SEMA4D: variants seen among roughly 807,000 people sequenced by gnomAD.
The protein encoded by SEMA4D is semaphorin-4D.
A neutral mutation model predicts 74.8 loss-of-function variants in SEMA4D; 22 were observed. That is an observed-to-expected ratio of 0.29 (90% CI 0.21 to 0.42). The LOEUF (loss-of-function observed/expected upper bound fraction) is 0.42. Ranked by LOEUF, SEMA4D falls within the 10% of genes least tolerant of loss-of-function variation. The pLI, the probability that SEMA4D is intolerant of heterozygous loss-of-function variation, is 1.00. For synonymous variants in SEMA4D, 445 were observed against 463.7 expected, an observed-to-expected ratio of 0.96 and a Z score of 0.52; for missense variants, 937 against 1,118.4, an observed-to-expected ratio of 0.84 and a Z score of 2.31.
intron 2 of SEMA4D, among the ~76,000 whole-genome samples, chr9:89,408,403 A>C (rs922397046): frequency 3.9e-5 from 6 of 152,156 alleles, no homozygotes; most frequent in African/African-American, 7.2e-5. Context: ...TGACAGACAT[A>C]AGAAAGGATG....
intron 9 of SEMA4D, among the ~76,000 whole-genome samples, chr9:89,391,003 A>G (rs970567484): frequency 6.6e-6 from 1 of 152,250 alleles, no homozygotes; most frequent in Non-Finnish European, 1.5e-5. Flanking sequence ...CTTGCTTTTT[A>G]TAAGCTAGAG....
intron 1 of SEMA4D, among the ~76,000 whole-genome samples, chr9:89,482,512 C>T (rs1322472926): frequency 6.6e-6 from 1 of 152,196 alleles, no homozygotes; most frequent in East Asian, 1.9e-4. Flanking sequence ...CAAATGTCTC[C>T]TGTGCAGCAG....
At chr9:89,395,038 G>A (rs947105888) in intron 6 of SEMA4D, among the ~76,000 whole-genome samples, 32 of 152,212 alleles carry the variant, frequency 2.1e-4, no homozygotes, top group African/African-American at 5.8e-4. Flanking sequence ...ACACAGACAC[G>A]TGCACACACA....
chr9:89,442,811 C>G (rs117777666), intron 2 of SEMA4D, among the ~76,000 whole-genome samples: 2,091 of 152,336 alleles, frequency 0.014, 15 homozygotes, highest in Middle Eastern at 0.02. Flanking sequence ...CTCACCATTT[C>G]CCAGCGAGGA....
intron 2 of SEMA4D, among the ~76,000 whole-genome samples, chr9:89,446,701 G>A (rs1362382837): frequency 2.6e-5 from 4 of 152,132 alleles, no homozygotes; most frequent in African/African-American, 4.8e-5. Context: ...GACCCTGGTG[G>A]CCACACCTTC....
intron 1 of SEMA4D, among the ~76,000 whole-genome samples, chr9:89,464,125 C>A (rs1858053669): frequency 1.3e-5 from 2 of 152,122 alleles, no homozygotes; most frequent in Non-Finnish European, 2.9e-5. Context: ...TTCCCCCACC[C>A]CCAAGAAAAC....
chr9:89,449,977 C>G (rs974943891), intron 2 of SEMA4D: 7 of 1,540,678 alleles, frequency 4.5e-6, no homozygotes, highest in Non-Finnish European at 6.3e-6. Flanking sequence ...GGGAGGAAAG[C>G]AGATGTTATT....
intron 1 of SEMA4D, among the ~76,000 whole-genome samples, chr9:89,474,756 A>G (rs1290012076): frequency 6.6e-6 from 1 of 152,250 alleles, no homozygotes; most frequent in East Asian, 1.9e-4. Flanking sequence ...GAAAAAAGCC[A>G]GACGGATTCT....
At chr9:89,424,829 C>G (rs1847775327) in intron 2 of SEMA4D, among the ~76,000 whole-genome samples, 1 of 152,036 alleles carries the variant, frequency 6.6e-6, no homozygotes, top group Non-Finnish European at 1.5e-5. Flanking sequence ...GCCCCTGTGC[C>G]CCCGGCCTTC....
chr9:89,385,179 C>T, intron 13 of SEMA4D: 1 of 906,270 alleles, frequency 1.1e-6, no homozygotes, highest in Non-Finnish European at 1.3e-6. Context: ...CTCTTCCTAC[C>T]CCCTTCTGCC....
intron 2 of SEMA4D, among the ~76,000 whole-genome samples, chr9:89,429,517 G>A (rs1256738543): frequency 5.3e-5 from 8 of 152,192 alleles, no homozygotes; most frequent in Non-Finnish European, 8.8e-5. Flanking sequence ...AAAGTTCCCC[G>A]CCCTGCATCA....
At chr9:89,428,218 A>G (rs1262220941) in intron 2 of SEMA4D, among the ~76,000 whole-genome samples, 1 of 152,112 alleles carries the variant, frequency 6.6e-6, no homozygotes, top group Non-Finnish European at 1.5e-5. Context: ...CAACCATCTC[A>G]GTGGTCACAA....
At chr9:89,400,172 C>T (rs1367577742) in intron 4 of SEMA4D, among the ~76,000 whole-genome samples, 3 of 152,160 alleles carry the variant, frequency 2.0e-5, no homozygotes, top group Non-Finnish European at 4.4e-5. Context: ...GCTCAGGCAC[C>T]ATCTTAGTAA....
At chr9:89,369,336 A>G (rs1395380627) in intron 16 of SEMA4D, 1 of 152,202 alleles carries the variant, frequency 6.6e-6, no homozygotes, top group Non-Finnish European at 1.5e-5. Context: ...GATTTCTAAC[A>G]CTGTAGTTAA....
chr9:89,366,956 A>ATGGG (rs1833768199), intron 16 of SEMA4D, among the ~76,000 whole-genome samples: 1 of 152,104 alleles, frequency 6.6e-6, no homozygotes, highest in Admixed American at 6.6e-5. Flanking sequence ...TTAATCACCC[A>ATGGG]ACGCCCCATC....
intron 4 of SEMA4D, among the ~76,000 whole-genome samples, chr9:89,400,780 T>C (rs538017431): frequency 1.5e-5 from 2 of 135,114 alleles, no homozygotes; most frequent in South Asian, 2.6e-4. Context: ...GGGGGTCTCT[T>C]TATTTTTTTC....
In SEMA4D at chr9:89,389,019, T is replaced by C. The variant is rs749395804; in HGVS notation, c.803A>G (p.Gln268Arg). 6.2e-7 allele frequency: 1 copy of C among 1,614,082 alleles called. No homozygotes were observed. Residue 268 changes from glutamine to arginine, a missense_variant, in exon 10 of 16, where the codon CAG (glutamine) becomes CGG (arginine). Gln to Arg is a conservative substitution (Grantham distance 43). Coordinates refer to ENST00000422704, the MANE Select transcript of SEMA4D (RefSeq NM_001371194.2). The part of the protein sequence containing the change: ...KGDQGGLRTL[Q>R]KKWTSFLKAR... ...TTTCAGGAAGGAGGTCCATTTCTTC[T>C]GCAAGGTCCTCAGGCCGCCCTGGTC...
At chr9:89,405,963 G>C (rs905981137) in intron 2 of SEMA4D, 1 of 1,112,816 alleles carries the variant, frequency 9.0e-7, no homozygotes, top group Non-Finnish European at 1.1e-6. Flanking sequence ...GAGAGGACCT[G>C]GTGTGGGGCA....
intron 13 of SEMA4D, among the ~76,000 whole-genome samples, chr9:89,382,833 C>T (rs997830600): frequency 2.0e-5 from 3 of 152,010 alleles, no homozygotes; most frequent in Non-Finnish European, 4.4e-5. Flanking sequence ...CCTGGGTGGC[C>T]AAGTGGGGCC....
Sources: allele counts gnomAD v4.1 joint callset (sites outside exome capture counted in the v4.1 genomes callset), GRCh38; gene constraint gnomAD v4.1.1; transcripts MANE v1.5; gene names NCBI Gene and HGNC (gene_info 2026-07-23, HGNC 2026-07-21).